The following CD53 variants were observed in gnomAD, a reference collection of about 807,000 sequenced individuals.
CD53 encodes CD53 molecule.
A neutral mutation model predicts 27.3 loss-of-function variants in CD53; 20 were observed. The ratio of observed to expected loss-of-function variants is 0.73; its 90% CI spans 0.52 to 1.07. CD53 has a LOEUF of 1.07. Ranked by LOEUF, CD53 falls within the 50% of genes least tolerant of loss-of-function variation. CD53 has a pLI of 0.00. For synonymous variants in CD53, 106 were observed against 105.3 expected, an observed-to-expected ratio of 1.01 and a Z score of -0.04; for missense variants, 216 against 264.0, an observed-to-expected ratio of 0.82 and a Z score of 1.26.
chr1:110,879,489 T>C (rs1224900278), intron 1 of CD53, among the ~76,000 whole-genome samples: 1 of 151,228 alleles, frequency 6.6e-6, no homozygotes, highest in African/African-American at 2.4e-5. Context: ...ACTAGGTTTG[T>C]AGTTATATAA....
rs762484204 is a variant in CD53, at chr1:110,899,127, T to C, written c.592T>C (p.Leu198=). ...ATTTTCCCAACTCTTTTCACAGGTG[T>C]TGGGGATGTCCTTTGCACTGACCCT... ...ITICVCVIEV[L]GMSFALTLNC... is the part of the protein sequence containing the mutation. Residue 198 remains leucine, a synonymous_variant, in exon 8 of 8, where the codon TTG becomes CTG. Transcript: ENST00000271324. 37 of 1,613,462 alleles carry C rather than the reference T, an allele frequency of 2.3e-5. No individual in the cohort carries two copies. The highest frequency in any genetic ancestry group is 3.1e-5 in the Non-Finnish European group (37 of 1,179,582).
chr1:110,887,590 G>A (rs1208819309), intron 1 of CD53, among the ~76,000 whole-genome samples: 1 of 152,204 alleles, frequency 6.6e-6, no homozygotes, highest in Non-Finnish European at 1.5e-5. Flanking sequence ...CTTGGAAAGT[G>A]TTTAATATCT....
upstream of CD53, among the ~76,000 whole-genome samples, chr1:110,872,295 A>G (rs1655990054): frequency 6.6e-6 from 1 of 152,222 alleles, no homozygotes; most frequent in Non-Finnish European, 1.5e-5. Flanking sequence ...TGTGACCTTG[A>G]ATTTTAATCC....
chr1:110,886,869 A>ATTTTTTTTTT (rs71575170), intron 1 of CD53, among the ~76,000 whole-genome samples: 1 of 82,798 alleles, frequency 1.2e-5, no homozygotes, highest in South Asian at 4.2e-4. Flanking sequence ...ATATATATAT[A>ATTTTTTTTTT]TTTTTTTTTT....
At chr1:110,890,840 A>G (rs1315081675) in intron 1 of CD53, among the ~76,000 whole-genome samples, 1 of 152,256 alleles carries the variant, frequency 6.6e-6, no homozygotes, top group Non-Finnish European at 1.5e-5. Context: ...CATCTTCCAC[A>G]ACATCTAGAA....
intron 1 of CD53, among the ~76,000 whole-genome samples, chr1:110,883,087 C>G (rs1359824295): frequency 6.6e-6 from 1 of 151,916 alleles, no homozygotes; most frequent in Non-Finnish European, 1.5e-5. Flanking sequence ...AACTCCAGTA[C>G]AATGCCAAAT....
intron 5 of CD53, among the ~76,000 whole-genome samples, chr1:110,895,852 G>C (rs1657039381): frequency 6.6e-6 from 1 of 151,914 alleles, no homozygotes; most frequent in Admixed American, 6.6e-5. Context: ...TTTTTCGTTA[G>C]AATATGTTAA....
intron 3 of CD53, among the ~76,000 whole-genome samples, chr1:110,893,827 G>A (rs2101062826): frequency 6.6e-6 from 1 of 152,316 alleles, no homozygotes; most frequent in East Asian, 1.9e-4. Flanking sequence ...TGTGTTATTA[G>A]CATAAAAGGA....
chr1:110,886,112 A>G (rs547976413), intron 1 of CD53, among the ~76,000 whole-genome samples: 3 of 152,084 alleles, frequency 2.0e-5, no homozygotes, highest in African/African-American at 4.8e-5. Context: ...ATTAAAATGT[A>G]TTTTTATTGG....
At chr1:110,881,750 C>T (rs1210151644) in intron 1 of CD53, among the ~76,000 whole-genome samples, 2 of 152,212 alleles carry the variant, frequency 1.3e-5, no homozygotes, top group African/African-American at 4.8e-5. Context: ...TCCAGTTTCA[C>T]TACATCCTCA....
chr1:110,877,366 T>C (rs1001287669), intron 1 of CD53, among the ~76,000 whole-genome samples: 1 of 151,984 alleles, frequency 6.6e-6, no homozygotes, highest in Non-Finnish European at 1.5e-5. Flanking sequence ...GCAGACACCA[T>C]GGACAGGCCT....
chr1:110,894,172 A>G (rs1656966013), intron 3 of CD53, 155 bp from the exon 4 acceptor site: 1 of 654,210 alleles, frequency 1.5e-6, no homozygotes, highest in African/African-American at 1.8e-5. Flanking sequence ...AAGAACACAT[A>G]TTTTCACAAA....
intron 1 of CD53, among the ~76,000 whole-genome samples, chr1:110,879,041 T>A (rs1383486952): frequency 1.3e-5 from 2 of 152,202 alleles, no homozygotes; most frequent in Non-Finnish European, 2.9e-5. Flanking sequence ...TTTTTTATTT[T>A]TTTTACAAAT....
chr1:110,874,823 G>T (rs903393775), intron 1 of CD53, among the ~76,000 whole-genome samples: 12 of 152,290 alleles, frequency 7.9e-5, no homozygotes, highest in Non-Finnish European at 1.3e-4. Context: ...TTGGTCCTTG[G>T]TTTTTTGTGC....
chr1:110,875,805 G>C (rs1003319355), intron 1 of CD53, among the ~76,000 whole-genome samples: 14 of 152,222 alleles, frequency 9.2e-5, no homozygotes, highest in African/African-American at 3.4e-4. Context: ...TGGTCAGTTT[G>C]AGAAGGCTGT....
At chr1:110,886,869 A>ATATTTT (rs1298376721) in intron 1 of CD53, among the ~76,000 whole-genome samples, 19 of 82,780 alleles carry the variant, frequency 2.3e-4, no homozygotes, top group African/African-American at 9.1e-4. Context: ...ATATATATAT[A>ATATTTT]TTTTTTTTTT....
intron 3 of CD53, 34 bp downstream of exon 3, chr1:110,892,567 C>T (rs777165743): frequency 3.2e-6 from 5 of 1,544,978 alleles, no homozygotes; most frequent in Admixed American, 1.7e-5. Context: ...TGCCCCAAGT[C>T]GGGGAGATGG....
At chr1:110,893,618 A>T (rs976256520) in intron 3 of CD53, among the ~76,000 whole-genome samples, 10 of 152,226 alleles carry the variant, frequency 6.6e-5, no homozygotes, top group African/African-American at 2.4e-4. Context: ...CACTGCGCCC[A>T]GTCTGTATGG....
chr1:110,889,824 C>G (rs1189296299), intron 1 of CD53, among the ~76,000 whole-genome samples: 1 of 152,076 alleles, frequency 6.6e-6, no homozygotes, highest in African/African-American at 2.4e-5. Context: ...GGTAGTAAAT[C>G]ATTACACTTT....
Sources: allele counts gnomAD v4.1 joint callset (sites outside exome capture counted in the v4.1 genomes callset), GRCh38; gene constraint gnomAD v4.1.1; transcripts MANE v1.5; gene names NCBI Gene and HGNC (gene_info 2026-07-23, HGNC 2026-07-21).